Variants in MAN1A2 observed in about 807,000 individuals in gnomAD.
MAN1A2 encodes mannosyl-oligosaccharide 1,2-alpha-mannosidase IB.
In MAN1A2, 26 loss-of-function variants were observed where a neutral mutation model predicts 75.7. The observed-to-expected ratio is 0.34, with a 90% CI of 0.25 to 0.48. MAN1A2 has a LOEUF of 0.48. Ranked by LOEUF, MAN1A2 falls within the 20% of genes least tolerant of loss-of-function variation. The pLI is 0.99. For missense variants in MAN1A2, 562 were observed against 775.5 expected, an observed-to-expected ratio of 0.72 and a Z score of 3.27; for synonymous variants, 247 against 264.6, an observed-to-expected ratio of 0.93 and a Z score of 0.65.
Position 117,477,095 on chromosome 1 carries a change from G to A in MAN1A2, c.1168+10668G>A, listed in dbSNP as rs186785197. On this transcript the variant is annotated intron_variant, in intron 8 of 12. Transcript: ENST00000356554. ...CCCAAGACTAAACTAGGAAGAAGTC[G>A]AATCCCTGAATAGACCAATAACAAG... is the stretch of plus-strand genomic sequence containing the variant. 1.5e-4 allele frequency among the ~76,000 whole-genome samples: 23 copies of A among 151,894 alleles called. 1 individual carries two copies. In the East Asian group the frequency reaches 4.3e-3, roughly 28 times the overall value.
intron 9 of MAN1A2, among the ~76,000 whole-genome samples, chr1:117,495,999 G>C (rs1276552115): frequency 6.6e-6 from 1 of 151,852 alleles, no homozygotes; most frequent in Non-Finnish European, 1.5e-5. Context: ...TGGAATACAG[G>C]TGATGAGTAA....
chr1:117,425,576 T>C (rs1648338010), intron 5 of MAN1A2, among the ~76,000 whole-genome samples: 1 of 152,210 alleles, frequency 6.6e-6, no homozygotes, highest in South Asian at 2.1e-4. Context: ...TAATTCACTA[T>C]GTCAACAGAC....
chr1:117,368,181 A>G lies in MAN1A2; in HGVS notation c.-3A>G. 6.2e-7 allele frequency: 1 copy of G among 1,605,950 alleles called. No individual in the cohort carries two copies. Among genetic ancestry groups the G allele is most frequent in the Non-Finnish European group, 8.5e-7 (1 of 1,177,350 alleles). On this transcript the variant is annotated 5_prime_UTR_variant, in exon 1 of 13. Coordinates refer to ENST00000356554, the MANE Select transcript of MAN1A2 (RefSeq NM_006699.5). Reference sequence around the variant, plus strand: ...TAAAGTATTCTCTCCAAGAGCGTAAACGATGACTACCCCAGCCCTGCTGCC... The same window carrying G: ...TAAAGTATTCTCTCCAAGAGCGTAAGCGATGACTACCCCAGCCCTGCTGCC...
Position 117,368,482 on chromosome 1 carries a change from A to C in MAN1A2, c.299A>C (p.His100Pro), listed in dbSNP as rs757403725. The C allele has an allele frequency of 1.2e-5, 20 of 1,602,782 alleles. No individual in the cohort carries two copies. Among genetic ancestry groups the C allele is most frequent in the Non-Finnish European group, 1.7e-5 (20 of 1,175,780 alleles). ...FLIHGPDEHRHREEEERLRNK... is the reference protein window; with the variant it reads ...FLIHGPDEHRPREEEERLRNK... ...ATCCATGGACCCGATGAACATAGAC[A>C]CAGGTTTGTTTATTTCAGAAGTTCT... The change falls in exon 1 of 13, where the codon CAC becomes CCC. Residue 100 changes from histidine (H) to proline (P), a missense_variant. Coordinates refer to ENST00000356554, the MANE Select transcript of MAN1A2 (RefSeq NM_006699.5).
At position 117,524,677 on chromosome 1, in the gene MAN1A2, C is replaced by G. The variant is rs1417116827; in HGVS notation, c.*1720C>G. On this transcript the variant is annotated 3_prime_UTR_variant, in exon 13 of 13. Coordinates refer to ENST00000356554, the MANE Select transcript of MAN1A2 (RefSeq NM_006699.5). ...CGTTAATTTTGACAGTTCTACTGATCCGTAAATGATAACCACTGCAAATTT... is the reference window on the plus strand; with the variant it reads ...CGTTAATTTTGACAGTTCTACTGATGCGTAAATGATAACCACTGCAAATTT... The G allele has an allele frequency of 6.5e-6, 1 of 153,676 alleles. No homozygotes were observed. The highest frequency in any genetic ancestry group is 2.4e-5 in the African/African-American group (1 of 41,390). The allele number at this position is 153,676 out of a possible 1,614,324, so 9.5% of individuals were successfully genotyped here.
intron 1 of MAN1A2, among the ~76,000 whole-genome samples, chr1:117,370,886 C>G (rs879631917): frequency 3.9e-5 from 6 of 152,158 alleles, no homozygotes; most frequent in Non-Finnish European, 5.9e-5. Context: ...GTTAGTATTT[C>G]TTTATTAATA....
At chr1:117,438,726 C>T (rs768280746) in intron 5 of MAN1A2, among the ~76,000 whole-genome samples, 2 of 152,046 alleles carry the variant, frequency 1.3e-5, no homozygotes, top group Non-Finnish European at 2.9e-5. Flanking sequence ...CTACAACGTT[C>T]GATACAGTAA....
chr1:117,368,036 C>A lies in MAN1A2; in HGVS notation c.-148C>A, dbSNP rs892689177. On this transcript the variant is annotated 5_prime_UTR_variant, in exon 1 of 13. Coordinates refer to ENST00000356554, the MANE Select transcript of MAN1A2 (RefSeq NM_006699.5). ...AGTGGGAATGGATGGGCGTGAATGA[C>A]GTGCCCTCTTAAAAAGCACAACAGT... 5 of 698,696 alleles carry A rather than the reference C, an allele frequency of 7.2e-6. No individual in the cohort carries two copies. The highest frequency in any genetic ancestry group is 1.2e-5 in the Non-Finnish European group (5 of 420,012). The allele number at this position is 698,696 out of a possible 1,614,324, so 43.3% of individuals were successfully genotyped here. A position where few individuals can be genotyped will look rare whatever the true frequency, so the allele number is the denominator to read the frequency against.
At chr1:117,522,500 A>C (rs972041990) in intron 12 of MAN1A2, among the ~76,000 whole-genome samples, 1 of 151,908 alleles carries the variant, frequency 6.6e-6, no homozygotes, top group Non-Finnish European at 1.5e-5. Context: ...AGCTAACATC[A>C]TATTGAAAAA....
At chr1:117,421,447 T>C (rs536730458) in intron 5 of MAN1A2, among the ~76,000 whole-genome samples, 36 of 152,078 alleles carry the variant, frequency 2.4e-4, no homozygotes, top group Middle Eastern at 3.4e-3. Context: ...GATTTTTTTT[T>C]CCCCCCAGTG....
At chr1:117,481,506 A>G (rs1236528941) in intron 8 of MAN1A2, among the ~76,000 whole-genome samples, 8 of 151,962 alleles carry the variant, frequency 5.3e-5, no homozygotes, top group Non-Finnish European at 1.0e-4. Context: ...TCTAAAATTT[A>G]GTAGCTTAAA....
At chr1:117,390,421 T>C (rs1185672876) in intron 1 of MAN1A2, among the ~76,000 whole-genome samples, 1 of 151,966 alleles carries the variant, frequency 6.6e-6, no homozygotes, top group Non-Finnish European at 1.5e-5. Flanking sequence ...CTAATAATAG[T>C]TTCTTACTGT....
Position 117,408,997 on chromosome 1 carries a change from T to C in MAN1A2, c.655+3352T>C, listed in dbSNP as rs1289946. ...GCTGTAGTAATAATCCCCTTTCATT[T>C]CTAATATTATTGATTTATGTTTTGT... On this transcript the variant is annotated intron_variant, in intron 3 of 12. Coordinates refer to ENST00000356554, the MANE Select transcript of MAN1A2 (RefSeq NM_006699.5). Among the ~76,000 whole-genome samples, 1,265 of 152,256 alleles carry C rather than the reference T, an allele frequency of 8.3e-3. 10 individuals are homozygous for C. Among genetic ancestry groups the C allele is most frequent in the African/African-American group, 0.029 (1,205 of 41,576 alleles).
intron 8 of MAN1A2, among the ~76,000 whole-genome samples, chr1:117,479,763 T>TG (rs1303806594): frequency 6.6e-6 from 1 of 151,836 alleles, no homozygotes; most frequent in Non-Finnish European, 1.5e-5. Flanking sequence ...CAATCCTTAT[T>TG]CTTATTGTGC....
intron 8 of MAN1A2, among the ~76,000 whole-genome samples, chr1:117,492,145 A>G (rs1342163951): frequency 6.6e-6 from 1 of 152,114 alleles, no homozygotes; most frequent in Non-Finnish European, 1.5e-5. Flanking sequence ...TTTACTGTGG[A>G]CAAAATGCTA....
At chr1:117,517,215 A>T (rs907733451) in intron 12 of MAN1A2, among the ~76,000 whole-genome samples, 1 of 152,198 alleles carries the variant, frequency 6.6e-6, no homozygotes, top group African/African-American at 2.4e-5. Flanking sequence ...CTCAAGGTTT[A>T]TATAAAGGAA....
chr1:117,445,798 AT>A (rs1426840251), intron 6 of MAN1A2, among the ~76,000 whole-genome samples: 1 of 149,270 alleles, frequency 6.7e-6, no homozygotes, highest in East Asian at 2.0e-4. Flanking sequence ...AGGTGCTAGG[AT>A]TACAGGTGTG....
Position 117,402,288 on chromosome 1 carries a change from A to C in MAN1A2, c.405A>C (p.Ala135=), listed in dbSNP as rs1357897542. 8.7e-6 allele frequency: 14 copies of C among 1,613,926 alleles called. No homozygotes were observed. The highest frequency in any genetic ancestry group is 1.1e-5 in the Non-Finnish European group (13 of 1,179,864). The change falls in exon 2 of 13, where the codon GCA becomes GCC. Residue 135 remains alanine, a synonymous_variant. Coordinates refer to ENST00000356554, the MANE Select transcript of MAN1A2 (RefSeq NM_006699.5). ...KLRKSREEIR[A]EIQTEKNKVV... is the part of the protein sequence containing the mutation. ...GAAAGTCAAGAGAGGAAATTCGAGC[A>C]GAAATTCAGACAGAGAAAAATAAGG... is the stretch of plus-strand genomic sequence containing the variant.
intron 5 of MAN1A2, among the ~76,000 whole-genome samples, chr1:117,428,807 TAA>T (rs56016305): frequency 1.6e-4 from 20 of 123,384 alleles, no homozygotes; most frequent in Non-Finnish European, 3.1e-4. Context: ...TTTTTTTTTT[TAA>T]ATTTATTTTT....
Sources: allele counts gnomAD v4.1 joint callset (sites outside exome capture counted in the v4.1 genomes callset), GRCh38; gene constraint gnomAD v4.1.1; transcripts MANE v1.5; gene names NCBI Gene and HGNC (gene_info 2026-07-23, HGNC 2026-07-21).